The following CRTAC1 variants were observed in gnomAD, a reference collection of about 807,000 sequenced individuals.
CRTAC1 encodes the protein acidic secreted protein in cartilage.
A neutral mutation model predicts 67.8 loss-of-function variants in CRTAC1; 37 were observed. The observed-to-expected ratio is 0.55, with a 90% confidence interval of 0.42 to 0.72. CRTAC1 has a LOEUF of 0.72. Among genes scored for constraint, CRTAC1 ranks in the 30% least tolerant of loss-of-function variants. The pLI is 0.00. For missense variants in CRTAC1, 780 were observed against 931.6 expected (o/e 0.84, Z 2.12); for synonymous variants, 348 against 371.0 (o/e 0.94, Z 0.71).
At chr10:97,894,711 C>CATATATATATATAT (rs66795716) in intron 11 of CRTAC1, among the ~76,000 whole-genome samples, 11 of 60,030 alleles carry the variant, frequency 1.8e-4, no homozygotes, top group South Asian at 6.3e-4. Context: ...GATGCTTTTA[C>CATATATATATATAT]ATATATATAT....
At chr10:98,013,346 T>TC (rs1169038867) in intron 1 of CRTAC1, among the ~76,000 whole-genome samples, 3 of 152,226 alleles carry the variant, frequency 2.0e-5, no homozygotes, top group Admixed American at 6.5e-5. Flanking sequence ...CTGGCCCCAT[T>TC]CAGGTAATAT....
At chr10:97,882,863 T>G in intron 12 of CRTAC1, 35 bp from the exon 13 acceptor site, 1 of 1,611,628 alleles carries the variant, frequency 6.2e-7, no homozygotes, top group Non-Finnish European at 8.5e-7. Context: ...CATGAGTGAG[T>G]TGAGAAGGTC....
At chr10:97,954,574 C>T (rs1245483491) in intron 2 of CRTAC1, among the ~76,000 whole-genome samples, 1 of 152,188 alleles carries the variant, frequency 6.6e-6, no homozygotes, top group African/African-American at 2.4e-5. Flanking sequence ...TGCATTCTTC[C>T]AAGGACTCTG....
chr10:98,005,204 A>G (rs1842767922), intron 2 of CRTAC1, among the ~76,000 whole-genome samples: 1 of 143,292 alleles, frequency 7.0e-6, no homozygotes. Context: ...TCCCGAGTTC[A>G]AGCGATTCTC....
chr10:97,888,533 G>C (rs2050318959), intron 11 of CRTAC1, among the ~76,000 whole-genome samples: 1 of 151,096 alleles, frequency 6.6e-6, no homozygotes, highest in Non-Finnish European at 1.5e-5. Flanking sequence ...CTTACGAGGT[G>C]GGTATTTATC....
At chr10:97,977,038 TG>T (rs2051816692) in intron 2 of CRTAC1, among the ~76,000 whole-genome samples, 1 of 152,226 alleles carries the variant, frequency 6.6e-6, no homozygotes. Flanking sequence ...ACCTTCAAGA[TG>T]TCACAGGAAA....
chr10:97,907,933 AG>A, intron 6 of CRTAC1, 79 bp downstream of exon 6: 4 of 1,488,830 alleles, frequency 2.7e-6, no homozygotes, highest in South Asian at 1.2e-5. Flanking sequence ...ACTATCCTGG[AG>A]GGGGCAGGGC....
chr10:98,027,620 TGAGAC>T (rs146285877), intron 1 of CRTAC1, among the ~76,000 whole-genome samples: 2,817 of 152,242 alleles, frequency 0.019, 87 homozygotes, highest in African/African-American at 0.064. Flanking sequence ...CTTGGAATAA[TGAGAC>T]GAGATTGTAG....
rs1843329270 is a variant in CRTAC1 at position 98,029,859 on chromosome 10, G to A, written c.24+590C>T. 1.3e-5 allele frequency among the ~76,000 whole-genome samples: 2 copies of A among 152,298 alleles called. No homozygotes were observed. Among genetic ancestry groups the A allele is most frequent in the East Asian group, 1.9e-4 (1 of 5,146 alleles). On this transcript the variant is annotated intron_variant, in intron 1 of 14. Coordinates refer to ENST00000370597, the MANE Select transcript of CRTAC1 (RefSeq NM_018058.7). This position sits in a 1 kb window ranked among gnomAD's most constrained non-coding sequence, Gnocchi z 4.7. ...CAGCCTGAAGGGAAGACCACACCTC[G>A]TCCAGCATAAGGCGGCTAGCAGCTA...
chr10:97,942,819 C>A (rs1158602134), intron 2 of CRTAC1, among the ~76,000 whole-genome samples: 1 of 150,556 alleles, frequency 6.6e-6, no homozygotes, highest in Admixed American at 6.6e-5. Context: ...GTAATCCCAG[C>A]ACTTCAGGAG....
chr10:97,896,360 C>T (rs1042936347), intron 9 of CRTAC1, among the ~76,000 whole-genome samples: 1 of 152,030 alleles, frequency 6.6e-6, no homozygotes, highest in Non-Finnish European at 1.5e-5. Flanking sequence ...TCCTTTTGGT[C>T]GTCATTACAA....
intron 2 of CRTAC1, among the ~76,000 whole-genome samples, chr10:98,007,914 C>T (rs1842824423): frequency 6.6e-6 from 1 of 152,108 alleles, no homozygotes; most frequent in African/African-American, 2.4e-5. Flanking sequence ...AAATGAATGC[C>T]CAGCACTTGG....
intron 14 of CRTAC1, chr10:97,878,406 T>G: frequency 4.6e-6 from 1 of 215,342 alleles, no homozygotes; most frequent in Non-Finnish European, 9.3e-6. Flanking sequence ...TCATATTTTG[T>G]GATTTATTAG....
intron 2 of CRTAC1, among the ~76,000 whole-genome samples, chr10:97,978,149 C>G (rs972215407): frequency 6.6e-6 from 1 of 152,156 alleles, no homozygotes; most frequent in South Asian, 2.1e-4. Flanking sequence ...GACTTTGCTA[C>G]GCAAAGTGTG....
chr10:97,971,925 G>A (rs2051719906), intron 2 of CRTAC1, among the ~76,000 whole-genome samples: 1 of 152,158 alleles, frequency 6.6e-6, no homozygotes, highest in South Asian at 2.1e-4. Context: ...ACGCAGGGGA[G>A]CTGGACATGG....
At chr10:97,924,540 G>C (rs1011302835) in intron 3 of CRTAC1, among the ~76,000 whole-genome samples, 7 of 152,204 alleles carry the variant, frequency 4.6e-5, no homozygotes, top group African/African-American at 1.7e-4. Context: ...TGGAGCCCCA[G>C]TGTTGGTTCT....
In CRTAC1 at chr10:97,973,929, G is replaced by A. The variant is rs139694870; in HGVS notation, c.224+37209C>T. Among the ~76,000 whole-genome samples, 80 of 149,940 alleles carry A rather than the reference G, an allele frequency of 5.3e-4. 1 individual carries two copies. Among genetic ancestry groups the A allele is most frequent in the African/African-American group, 1.9e-3 (79 of 40,608 alleles). ...ATTATAATAGTGTGCACACAGCCTG[G>A]GGAGACAGCCATCGCATTCTTTGTC... is the stretch of plus-strand genomic sequence containing the variant. On this transcript the variant is annotated intron_variant, in intron 2 of 14. Coordinates refer to ENST00000370597, the MANE Select transcript of CRTAC1 (RefSeq NM_018058.7).
chr10:97,931,718 T>C (rs937550966), intron 3 of CRTAC1, among the ~76,000 whole-genome samples: 3 of 152,226 alleles, frequency 2.0e-5, no homozygotes, highest in African/African-American at 7.2e-5. Flanking sequence ...GGGCTCACAG[T>C]TCACACTGAC....
intron 14 of CRTAC1, among the ~76,000 whole-genome samples, chr10:97,872,359 C>T (rs1385998629): frequency 6.6e-6 from 1 of 152,204 alleles, no homozygotes; most frequent in Non-Finnish European, 1.5e-5. Flanking sequence ...AGGATGGATG[C>T]AGTGACCCCA....
Sources: allele counts gnomAD v4.1 joint callset (sites outside exome capture counted in the v4.1 genomes callset), GRCh38; gene constraint gnomAD v4.1.1; non-coding constraint Gnocchi (gnomAD v3.1); transcripts MANE v1.5; gene names NCBI Gene and HGNC (gene_info 2026-07-23, HGNC 2026-07-21).